Variants in CMKLR1 observed in about 807,000 individuals in gnomAD.
CMKLR1 encodes the protein chemerin chemokine-like receptor 1.
A neutral mutation model predicts 8.2 loss-of-function variants in CMKLR1; 6 were observed. That is an observed-to-expected ratio of 0.73 (90% CI 0.40 to 1.44). The LOEUF is 1.44. Among genes scored for constraint, CMKLR1 ranks in the 40% most tolerant of loss-of-function variants. The pLI is 0.02. For synonymous variants in CMKLR1, 178 were observed against 181.2 expected (o/e 0.98, Z 0.14); for missense variants, 429 against 478.0 (o/e 0.90, Z 0.96).
rs145704016 is a variant in CMKLR1, at chr12:108,316,133, T to C, written c.-74+13862A>G. Among the ~76,000 whole-genome samples the C allele has an allele frequency of 2.2e-3, 342 of 152,312 alleles. 1 individual carries two copies. Among genetic ancestry groups the C allele is most frequent in the African/African-American group, 8.0e-3 (332 of 41,564 alleles). On this transcript the variant is annotated intron_variant, in intron 2 of 3. Coordinates refer to ENST00000550402, the MANE Select transcript of CMKLR1 (RefSeq NM_001142343.2). ...ATGCAGCCCCTTATTCAAAAATTAC[T>C]GAGAATTCAGGACAGCAACTGCCAA...
rs566315034 is a variant in CMKLR1, at chr12:108,292,420, G to C, written c.543C>G (p.Ala181=). Reference sequence around the variant, plus strand: ...AGCAGGATATTTTCCCATGCAGGTTGGCTGTGTCCCGGAAGACGAGAGATG... The same window carrying C: ...AGCAGGATATTTTCCCATGCAGGTTCGCTGTGTCCCGGAAGACGAGAGATG... ...SSPSLVFRDT[A]NLHGKISCFN... Residue 181 remains alanine (A), a synonymous_variant, in exon 4 of 4, where the codon GCC becomes GCG. Transcript: ENST00000550402. The C allele has an allele frequency of 6.2e-7, 1 of 1,614,158 alleles. No homozygotes were observed. Among genetic ancestry groups the C allele is most frequent in the African/African-American group, 1.3e-5 (1 of 75,028 alleles).
At chr12:108,293,760 CTTAT>C in intron 2 of CMKLR1, 96 bp from the exon 3 acceptor site, 2 of 679,870 alleles carry the variant, frequency 2.9e-6, no homozygotes, top group East Asian at 2.7e-5. Context: ...ATCTGTTGTT[CTTAT>C]TCCCATTTTA....
chr12:108,317,995 T>C (rs1891773575), intron 2 of CMKLR1: 1 of 152,252 alleles, frequency 6.6e-6, no homozygotes, highest in South Asian at 2.1e-4. Flanking sequence ...CTGGCCTTTC[T>C]TGCCTAACAA....
At chr12:108,323,697 T>TG (rs1891913644) in intron 2 of CMKLR1, among the ~76,000 whole-genome samples, 1 of 151,910 alleles carries the variant, frequency 6.6e-6, no homozygotes, top group African/African-American at 2.4e-5. Context: ...GTGTAGGACT[T>TG]GGGGTGCAGT....
intron 2 of CMKLR1, among the ~76,000 whole-genome samples, chr12:108,324,205 C>T (rs1049044753): frequency 2.6e-5 from 4 of 152,174 alleles, no homozygotes; most frequent in African/African-American, 9.7e-5. Flanking sequence ...AGAACAAGCA[C>T]ATCTCAGCTG....
At chr12:108,294,078 G>A (rs1891062676) in intron 2 of CMKLR1, among the ~76,000 whole-genome samples, 1 of 152,210 alleles carries the variant, frequency 6.6e-6, no homozygotes, top group Non-Finnish European at 1.5e-5. Flanking sequence ...GAGAAAACAG[G>A]AGAAGACCCA....
intron 2 of CMKLR1, among the ~76,000 whole-genome samples, chr12:108,307,650 G>C (rs1891443684): frequency 6.6e-6 from 1 of 152,114 alleles, no homozygotes; most frequent in Non-Finnish European, 1.5e-5. Flanking sequence ...GCCATTCCCA[G>C]CTTCAGCTCA....
At chr12:108,316,803 G>A (rs1891745978) in intron 2 of CMKLR1, among the ~76,000 whole-genome samples, 1 of 152,164 alleles carries the variant, frequency 6.6e-6, no homozygotes, top group South Asian at 2.1e-4. Context: ...AAATGGGTGG[G>A]GCTTTTGCTT....
chr12:108,338,449 T>C (rs1892281642), intron 1 of CMKLR1, among the ~76,000 whole-genome samples: 1 of 152,162 alleles, frequency 6.6e-6, no homozygotes, highest in Non-Finnish European at 1.5e-5. Context: ...GTTTAAGGGA[T>C]GGGTAGCAAC....
intron 2 of CMKLR1, among the ~76,000 whole-genome samples, chr12:108,325,611 C>G (rs941272972): frequency 6.6e-6 from 1 of 152,198 alleles, no homozygotes; most frequent in African/African-American, 2.4e-5. Flanking sequence ...CCCCCTGCCC[C>G]ACCCAGATAA....
intron 1 of CMKLR1, among the ~76,000 whole-genome samples, chr12:108,334,050 G>C (rs1218857558): frequency 6.6e-6 from 1 of 152,254 alleles, no homozygotes; most frequent in Non-Finnish European, 1.5e-5. Flanking sequence ...TGGAAGCCAG[G>C]TGTTTCAAGT....
At chr12:108,329,366 A>C (rs1338967114) in intron 2 of CMKLR1, among the ~76,000 whole-genome samples, 4 of 152,176 alleles carry the variant, frequency 2.6e-5, no homozygotes, top group Non-Finnish European at 5.9e-5. Context: ...CTCCCTGCCT[A>C]AAATCTCTCT....
Position 108,292,830 on chromosome 12 carries a change from C to T in CMKLR1, c.133G>A (p.Val45Met), listed in dbSNP as rs779039224. ...AGGAAGCAGACGATGCTGTAGACCA[C>T]CACCAGGAAGATCCTGGTCACCCTG... The part of the protein sequence containing the change: ...EARVTRIFLV[V>M]VYSIVCFLGI... The change falls in exon 4 of 4, where the codon GTG (valine) becomes ATG (methionine). Residue 45 changes from valine (V) to methionine (M), a missense_variant. Val to Met is a conservative substitution (Grantham distance 21). Transcript: ENST00000550402. 1 of 1,614,132 alleles carries T rather than the reference C, an allele frequency of 6.2e-7. No homozygotes were observed. The highest frequency in any genetic ancestry group is 1.7e-5 in the Admixed American group (1 of 60,022).
intron 1 of CMKLR1, among the ~76,000 whole-genome samples, chr12:108,336,655 T>G (rs1318243244): frequency 6.6e-6 from 1 of 152,194 alleles, no homozygotes; most frequent in East Asian, 1.9e-4. Context: ...CTGGCGGTAA[T>G]GTCTGCACCC....
intron 2 of CMKLR1, among the ~76,000 whole-genome samples, chr12:108,300,421 A>G (rs938203320): frequency 1.3e-5 from 2 of 152,362 alleles, no homozygotes; most frequent in South Asian, 4.1e-4. Flanking sequence ...TTTCCCCAAT[A>G]GTAATATCTT....
rs551928694 is a variant in CMKLR1 at position 108,328,320 on chromosome 12, C to T, written c.-74+1675G>A. Among the ~76,000 whole-genome samples the T allele has an allele frequency of 1.5e-4, 23 of 152,302 alleles. No individual in the cohort carries two copies. The South Asian group carries it at 4.4e-3, about 29-fold the overall frequency. On this transcript the variant is annotated intron_variant, in intron 2 of 3. Coordinates refer to ENST00000550402, the MANE Select transcript of CMKLR1 (RefSeq NM_001142343.2). The stretch of plus-strand genomic sequence containing the variant: ...TCATGGTTCAAGAATGCTGATCTCC[C>T]GCATCCCTTCCCCACCAGGCAAGCC...
chr12:108,292,051 A>C lies in CMKLR1; in HGVS notation c.912T>G (p.Leu304=), dbSNP rs1237076055. Residue 304 remains leucine (L), a synonymous_variant, in exon 4 of 4, where the codon CTT becomes CTG. Coordinates refer to ENST00000550402, the MANE Select transcript of CMKLR1 (RefSeq NM_001142343.2). Reference sequence around the variant, plus strand: ...GGTTCATGCAGCTGTTGGCAATGGCAAGGGCAGTGGCCAGGGGCAAACCCA... The same window carrying C: ...GGTTCATGCAGCTGTTGGCAATGGCCAGGGCAGTGGCCAGGGGCAAACCCA... ...FSLGLPLATA[L]AIANSCMNPI... 1 of 1,614,222 alleles carries C rather than the reference A, an allele frequency of 6.2e-7. No individual in the cohort carries two copies. The highest frequency in any genetic ancestry group is 1.1e-5 in the South Asian group (1 of 91,088).
rs750481072 is a variant in CMKLR1, at chr12:108,292,526, C to T, written c.437G>A (p.Trp146Ter). The T allele has an allele frequency of 1.2e-6, 2 of 1,614,152 alleles. No homozygotes were observed. Among genetic ancestry groups the T allele is most frequent in the Admixed American group, 3.3e-5 (2 of 60,024 alleles). Reference protein sequence around the residue: ...DRCISVLLPVWSQNHRSVRLA... With the variant: ...DRCISVLLPV ...GCGAACGCTGCGGTGGTTCTGGGAC[C>T]AGACAGGGAGGAGCACAGAGATGCA... is the stretch of plus-strand genomic sequence containing the variant. Residue 146 changes from tryptophan to a stop codon, truncating the protein, a stop_gained, in exon 4 of 4, where the codon TGG becomes TAG. Transcript: ENST00000550402. LOFTEE classifies it low-confidence loss of function (END_TRUNC).
intron 2 of CMKLR1, chr12:108,317,956 G>A (rs1046383159): frequency 6.6e-6 from 1 of 152,108 alleles, no homozygotes; most frequent in African/African-American, 2.4e-5. Flanking sequence ...TTGCATAAAC[G>A]GAAGTATACT....
Sources: gnomAD v4.1 joint callset for allele counts (sites outside exome capture counted in the v4.1 genomes callset) on GRCh38, gnomAD v4.1.1 for gene constraint, MANE v1.5 for transcripts, NCBI Gene and HGNC (gene_info 2026-07-23, HGNC 2026-07-21) for gene names.